The following FASTKD2 variants were observed in gnomAD, a reference collection of about 807,000 sequenced individuals.
FASTKD2 encodes FAST kinase domain-containing protein 2, mitochondrial.
FASTKD2 carries 51 observed loss-of-function variants against 63.6 expected under a neutral mutation model. That is an observed-to-expected ratio of 0.80 (90% confidence interval 0.64 to 1.01). The LOEUF is 1.01. FASTKD2 is among the 50% of genes least tolerant of loss of function. FASTKD2 has a pLI of 0.00. For synonymous variants in FASTKD2, 284 were observed against 293.4 expected (o/e 0.97, Z 0.33); for missense variants, 786 against 831.1 (o/e 0.95, Z 0.67).
chr2:206,786,639 T>C, intron 7 of FASTKD2, 94 bp from the exon 8 acceptor site: 1 of 1,095,040 alleles, frequency 9.1e-7, no homozygotes, highest in South Asian at 1.3e-5. Context: ...GATACTTACT[T>C]GCAAGGCTGA....
At chr2:206,785,071 C>T (rs942948841) in intron 7 of FASTKD2, among the ~76,000 whole-genome samples, 1 of 152,146 alleles carries the variant, frequency 6.6e-6, no homozygotes, top group Non-Finnish European at 1.5e-5. Context: ...AGATGAAAGG[C>T]ACATCTCACA....
Position 206,795,720 on chromosome 2 carries a change from G to T in FASTKD2, c.*3918G>T, listed in dbSNP as rs1164265957. 6.6e-6 allele frequency among the ~76,000 whole-genome samples: 1 copy of T among 152,194 alleles called. No individual in the cohort carries two copies. The highest frequency in any genetic ancestry group is 1.5e-5 in the Non-Finnish European group (1 of 68,040). The stretch of plus-strand genomic sequence containing the variant: ...GAAACTGGGAAGGCCAAATGAGATA[G>T]AGGTAATGTTTCTGCCAACAAACAG... On this transcript the variant is annotated 3_prime_UTR_variant, in exon 12 of 12. Transcript: ENST00000402774.
chr2:206,766,903 A>T lies in FASTKD2; in HGVS notation c.210A>T (p.Ser70=), dbSNP rs778865889. Residue 70 remains serine (S), a synonymous_variant, in exon 2 of 12, where the codon TCA becomes TCT. Coordinates refer to ENST00000402774, the MANE Select transcript of FASTKD2 (RefSeq NM_001136193.2). ...ILNNFHNRMQ[S]TDIIRYLFQD... is the part of the protein sequence containing the mutation. ...ATAACTTTCATAACAGAATGCAATC[A>T]ACTGATATCATTAGATATCTCTTTC... The T allele has an allele frequency of 3.1e-6, 5 of 1,598,314 alleles. No individual in the cohort carries two copies. The highest frequency in any genetic ancestry group is 4.3e-6 in the Non-Finnish European group (5 of 1,171,980).
At position 206,792,847 on chromosome 2, in the gene FASTKD2, A is replaced by T. The variant is rs1690325308; in HGVS notation, c.*1045A>T. The stretch of plus-strand genomic sequence containing the variant: ...TGTGTCTTCACTTCCTCATCTCTAA[A>T]ATCAGGATAGGTATTTGCCCAAGGC... On this transcript the variant is annotated 3_prime_UTR_variant, in exon 12 of 12. Coordinates refer to ENST00000402774, the MANE Select transcript of FASTKD2 (RefSeq NM_001136193.2). Among the ~76,000 whole-genome samples, 1 of 152,104 alleles carries T rather than the reference A, an allele frequency of 6.6e-6. No individual in the cohort carries two copies. The highest frequency in any genetic ancestry group is 1.5e-5 in the Non-Finnish European group (1 of 68,018).
At position 206,792,159 on chromosome 2, in the gene FASTKD2, A is replaced by G; in HGVS notation, c.*357A>G. ...TAGTAGTCCTTGTCTTTGGAATCTG[A>G]ATATTTATACTCCTGCTCTAAGCTG... On this transcript the variant is annotated 3_prime_UTR_variant, in exon 12 of 12. Coordinates refer to ENST00000402774, the MANE Select transcript of FASTKD2 (RefSeq NM_001136193.2). 6.6e-6 allele frequency: 2 copies of G among 303,610 alleles called. No homozygotes were observed. Among genetic ancestry groups the G allele is most frequent in the South Asian group, 6.5e-5 (2 of 30,794 alleles). 18.8% of individuals were successfully genotyped at this position (303,610 alleles called of 1,614,324 possible).
At chr2:206,766,336 C>T (rs1456277913) in intron 1 of FASTKD2, among the ~76,000 whole-genome samples, 2 of 150,286 alleles carry the variant, frequency 1.3e-5, no homozygotes, top group Non-Finnish European at 1.5e-5. Flanking sequence ...CTAATTTTCA[C>T]CGAGGACATT....
chr2:206,774,155 G>T, intron 6 of FASTKD2, 70 bp from the exon 7 acceptor site: 1 of 1,052,138 alleles, frequency 9.5e-7, no homozygotes, highest in Non-Finnish European at 1.4e-6. Context: ...TAGATTTTTT[G>T]AGATCTAAAA....
At chr2:206,786,660 T>C in intron 7 of FASTKD2, 73 bp from the exon 8 acceptor site, 2 of 1,338,186 alleles carry the variant, frequency 1.5e-6, no homozygotes, top group East Asian at 2.3e-5. Context: ...TTTTCTTATC[T>C]CTTTTCTTTG....
intron 7 of FASTKD2, among the ~76,000 whole-genome samples, chr2:206,778,258 C>CT (rs937968471): frequency 4.0e-5 from 6 of 149,762 alleles, no homozygotes; most frequent in Middle Eastern, 6.9e-3. Flanking sequence ...TGATAGCTTT[C>CT]TTTTTTTTTA....
At position 206,791,942 on chromosome 2, in the gene FASTKD2, A is replaced by G; in HGVS notation, c.*140A>G. On this transcript the variant is annotated 3_prime_UTR_variant, in exon 12 of 12. Coordinates refer to ENST00000402774, the MANE Select transcript of FASTKD2 (RefSeq NM_001136193.2). ...GTTCACTATTAAAATTAATTTTAGG[A>G]GTGGAAGAAATGTTGTTACTGCCAT... The G allele has an allele frequency of 2.6e-6, 2 of 754,806 alleles. No individual in the cohort carries two copies. Among genetic ancestry groups the G allele is most frequent in the East Asian group, 2.7e-5 (1 of 36,978 alleles). 46.8% of individuals were successfully genotyped at this position (754,806 alleles called of 1,614,324 possible).
In FASTKD2 at chr2:206,791,818, T is replaced by C; in HGVS notation, c.*16T>C. On this transcript the variant is annotated 3_prime_UTR_variant, in exon 12 of 12. Transcript: ENST00000402774. ...CACACAATAAAGTGAAAATCAACCT[T>C]TTCATATTAGGAGACATGCATTTGT... 1 of 1,609,932 alleles carries C rather than the reference T, an allele frequency of 6.2e-7. No individual in the cohort carries two copies. The highest frequency in any genetic ancestry group is 8.5e-7 in the Non-Finnish European group (1 of 1,178,218).
At position 206,767,843 on chromosome 2, in the gene FASTKD2, A is replaced by G. The variant is rs148827155; in HGVS notation, c.777+373A>G. ...TTGGAATTCAGGCCCAGTAGATGAT[A>G]CCTAAACTGATGAGCAGAATGATAG... On this transcript the variant is annotated intron_variant, in intron 2 of 11. Coordinates refer to ENST00000402774, the MANE Select transcript of FASTKD2 (RefSeq NM_001136193.2). Among the ~76,000 whole-genome samples the G allele has an allele frequency of 2.4e-3, 366 of 152,344 alleles. 2 individuals are homozygous for G. Among genetic ancestry groups the G allele is most frequent in the African/African-American group, 8.3e-3 (346 of 41,576 alleles).
rs1206356025 is a variant in FASTKD2, at chr2:206,796,033, C to G, written c.*4231C>G. Among the ~76,000 whole-genome samples, 1 of 152,222 alleles carries G rather than the reference C, an allele frequency of 6.6e-6. No individual in the cohort carries two copies. Among genetic ancestry groups the G allele is most frequent in the Admixed American group, 6.5e-5 (1 of 15,270 alleles). On this transcript the variant is annotated 3_prime_UTR_variant, in exon 12 of 12. Coordinates refer to ENST00000402774, the MANE Select transcript of FASTKD2 (RefSeq NM_001136193.2). ...CATTCATCTTGTAAGCAGGAGGCTTCTGTGCATGGCCAGAAACTAACAAAA... is the reference window on the plus strand; with the variant it reads ...CATTCATCTTGTAAGCAGGAGGCTTGTGTGCATGGCCAGAAACTAACAAAA...
At chr2:206,773,337 A>G (rs896136164) in intron 6 of FASTKD2, among the ~76,000 whole-genome samples, 1 of 149,022 alleles carries the variant, frequency 6.7e-6, no homozygotes, top group Non-Finnish European at 1.5e-5. Context: ...AAAAAAAAAA[A>G]GGGTTGTATG....
rs1467280966 is a variant in FASTKD2, at chr2:206,769,699, A to G, written c.778-392A>G. On this transcript the variant is annotated intron_variant, in intron 2 of 11. Transcript: ENST00000402774. ...AAGGATCTTTAGAGATGGGCTAGTT[A>G]CCTTCTGTACTTCAGTAGTTCTTAT... 5.9e-5 allele frequency among the ~76,000 whole-genome samples: 9 copies of G among 152,200 alleles called. No individual in the cohort carries two copies. The South Asian group carries it at 1.9e-3, about 32-fold the overall frequency.
At chr2:206,785,105 C>T (rs2105984604) in intron 7 of FASTKD2, among the ~76,000 whole-genome samples, 1 of 152,192 alleles carries the variant, frequency 6.6e-6, no homozygotes, top group South Asian at 2.1e-4. Flanking sequence ...GAGAGACAGC[C>T]AAGCAAAAGG....
At chr2:206,772,424 C>A in intron 6 of FASTKD2, 104 bp downstream of exon 6, 1 of 1,118,370 alleles carries the variant, frequency 8.9e-7, no homozygotes, top group South Asian at 1.4e-5. Flanking sequence ...GTTAAGATAC[C>A]AAAATATTCC....
chr2:206,769,661 G>A (rs916966011), intron 2 of FASTKD2, among the ~76,000 whole-genome samples: 3 of 152,124 alleles, frequency 2.0e-5, no homozygotes, highest in Non-Finnish European at 2.9e-5. Context: ...AAATTGTAAA[G>A]GCACAACCAT....
rs1689538828 is a variant in FASTKD2 at position 206,767,262 on chromosome 2, C to G, written c.569C>G (p.Thr190Arg). The change falls in exon 2 of 12, where the codon ACA becomes AGA. Residue 190 changes from threonine (T) to arginine (R), a missense_variant. By Grantham distance (71) the Thr-to-Arg change is moderately conservative. Transcript: ENST00000402774. ...AGCAACTATTTCACAGCAATGTGGA[C>G]AATTGCCAAAAGACTGTCTGATGAC... ...PSSNYFTAMW[T>R]IAKRLSDDQK... The G allele has an allele frequency of 6.2e-7, 1 of 1,614,142 alleles. No individual in the cohort carries two copies. The highest frequency in any genetic ancestry group is 1.1e-5 in the South Asian group (1 of 91,084).
Sources: gnomAD v4.1 joint callset for allele counts (sites outside exome capture counted in the v4.1 genomes callset) on GRCh38, gnomAD v4.1.1 for gene constraint, MANE v1.5 for transcripts, NCBI Gene and HGNC (gene_info 2026-07-23, HGNC 2026-07-21) for gene names.